The following CSMD1 variants were observed in gnomAD, a reference collection of about 807,000 sequenced individuals.
The protein encoded by CSMD1 is CUB and Sushi multiple domains 1.
A neutral mutation model predicts 417.5 loss-of-function variants in CSMD1; 213 were observed. That is an observed-to-expected ratio of 0.51 (90% confidence interval 0.46 to 0.57). The LOEUF (loss-of-function observed/expected upper bound fraction) is 0.57. Ranked by LOEUF, CSMD1 falls within the 20% of genes least tolerant of loss-of-function variation. CSMD1 has a pLI of 0.00. For missense variants in CSMD1, 6,923 were observed against 4,529.7 expected, an observed-to-expected ratio of 1.53 and a Z score of -15.17; for synonymous variants, 2,862 against 1,736.8, an observed-to-expected ratio of 1.65 and a Z score of -16.11.
chr8:4,184,695 G>T (rs1035577086), intron 3 of CSMD1, among the ~76,000 whole-genome samples: 1 of 152,152 alleles, frequency 6.6e-6, no homozygotes, highest in Non-Finnish European at 1.5e-5. Flanking sequence ...GACACCAGAG[G>T]TTGGAAGGTG....
chr8:4,090,761 T>TA (rs1289375391), intron 3 of CSMD1, among the ~76,000 whole-genome samples: 9 of 152,186 alleles, frequency 5.9e-5, no homozygotes, highest in Non-Finnish European at 1.3e-4. Context: ...AAAATTGAAG[T>TA]AGTGGGTTAT....
chr8:3,421,889 T>C (rs1813509676), intron 12 of CSMD1, among the ~76,000 whole-genome samples: 2 of 147,074 alleles, frequency 1.4e-5, no homozygotes, highest in Admixed American at 1.3e-4. Flanking sequence ...CCACCCACCT[T>C]GGCCGCCCAA....
intron 2 of CSMD1, among the ~76,000 whole-genome samples, chr8:4,507,431 T>A (rs1485532457): frequency 6.6e-6 from 1 of 152,178 alleles, no homozygotes; most frequent in East Asian, 1.9e-4. Context: ...TATCCAGTGT[T>A]TTATGGGTGC....
intron 2 of CSMD1, among the ~76,000 whole-genome samples, chr8:4,451,832 T>C (rs969368488): frequency 1.3e-5 from 2 of 152,062 alleles, no homozygotes; most frequent in Non-Finnish European, 2.9e-5. Context: ...CAGTGAGTTT[T>C]GTTTACGTAA....
At chr8:4,641,170 C>T (rs1803166110) in intron 1 of CSMD1, among the ~76,000 whole-genome samples, 1 of 151,658 alleles carries the variant, frequency 6.6e-6, no homozygotes, top group African/African-American at 2.4e-5. Flanking sequence ...GAGAAACATA[C>T]ATGCAACATT....
At chr8:4,131,184 A>T (rs1803080125) in intron 3 of CSMD1, among the ~76,000 whole-genome samples, 1 of 152,208 alleles carries the variant, frequency 6.6e-6, no homozygotes, top group Non-Finnish European at 1.5e-5. Context: ...GTACATCAAA[A>T]GACTTCATAG....
intron 3 of CSMD1, among the ~76,000 whole-genome samples, chr8:4,113,456 C>G (rs2081355): frequency 0.99 from 145,495 of 146,988 alleles, 72,026 homozygotes; most frequent in East Asian, 1. Context: ...GCAGGCTGGA[C>G]TGCAATGGTG....
intron 27 of CSMD1, among the ~76,000 whole-genome samples, chr8:3,226,497 C>A (rs181485851): frequency 6.6e-6 from 1 of 150,720 alleles, no homozygotes; most frequent in Non-Finnish European, 1.5e-5. Flanking sequence ...GCAGGAGAAT[C>A]GCTTGAACCT....
At chr8:3,950,959 TC>T (rs2129872983) in intron 5 of CSMD1, among the ~76,000 whole-genome samples, 1 of 152,326 alleles carries the variant, frequency 6.6e-6, no homozygotes, top group African/African-American at 2.4e-5. Flanking sequence ...AAAAAACGAT[TC>T]TTTTCATCAC....
intron 3 of CSMD1, among the ~76,000 whole-genome samples, chr8:4,318,654 C>T (rs562557015): frequency 3.1e-3 from 201 of 65,226 alleles, no homozygotes; most frequent in Non-Finnish European, 7.6e-3. Context: ...TAAGACGTCA[C>T]TGATTGTTTT....
chr8:4,501,415 A>C (rs950159233), intron 2 of CSMD1, among the ~76,000 whole-genome samples: 8 of 152,104 alleles, frequency 5.3e-5, no homozygotes, highest in Non-Finnish European at 8.8e-5. Context: ...ACGTAGAGCA[A>C]AGGGAAGACT....
intron 2 of CSMD1, among the ~76,000 whole-genome samples, chr8:4,630,836 C>T (rs943323774): frequency 1.3e-5 from 2 of 152,154 alleles, no homozygotes; most frequent in Non-Finnish European, 2.9e-5. Context: ...TCTTCCACTG[C>T]TACTTCCCTG....
chr8:4,782,757 A>C (rs976128797), intron 1 of CSMD1, among the ~76,000 whole-genome samples: 23 of 152,098 alleles, frequency 1.5e-4, no homozygotes, highest in African/African-American at 5.1e-4. Flanking sequence ...TGGCTATATT[A>C]TTTTCTAGTT....
At chr8:4,455,547 T>A (rs1435916712) in intron 2 of CSMD1, among the ~76,000 whole-genome samples, 1 of 152,148 alleles carries the variant, frequency 6.6e-6, no homozygotes, top group African/African-American at 2.4e-5. Flanking sequence ...GGCCTCACTT[T>A]ATAGAATATG....
At chr8:4,031,015 G>A (rs1193761162) in intron 4 of CSMD1, among the ~76,000 whole-genome samples, 1 of 152,102 alleles carries the variant, frequency 6.6e-6, no homozygotes, top group Non-Finnish European at 1.5e-5. Context: ...GACCACCTCA[G>A]CCAGGATTTC....
At chr8:3,373,908 C>G (rs976357633) in intron 18 of CSMD1, among the ~76,000 whole-genome samples, 2 of 151,556 alleles carry the variant, frequency 1.3e-5, no homozygotes, top group East Asian at 3.9e-4. Flanking sequence ...AGGAGACATA[C>G]GTTGTGATAT....
intron 3 of CSMD1, among the ~76,000 whole-genome samples, chr8:4,377,157 C>G (rs1036911781): frequency 1.3e-5 from 2 of 152,036 alleles, no homozygotes. Flanking sequence ...GTGTTTTAAA[C>G]AGTGGGATTA....
At chr8:4,409,985 T>G (rs1465962721) in intron 3 of CSMD1, among the ~76,000 whole-genome samples, 1 of 152,076 alleles carries the variant, frequency 6.6e-6, no homozygotes, top group Non-Finnish European at 1.5e-5. Context: ...AGCAAATTTT[T>G]GTATTTTTAG....
chr8:3,653,771 A>G (rs1379472308), intron 7 of CSMD1, among the ~76,000 whole-genome samples: 1 of 152,238 alleles, frequency 6.6e-6, no homozygotes, highest in Admixed American at 6.5e-5. Context: ...TGGGTCCCCA[A>G]AATGACATAT....
Sources: allele counts gnomAD v4.1 joint callset (sites outside exome capture counted in the v4.1 genomes callset), GRCh38; gene constraint gnomAD v4.1.1; transcripts MANE v1.5; gene names NCBI Gene and HGNC (gene_info 2026-07-23, HGNC 2026-07-21).